The following TTC13 variants were observed in gnomAD, a reference collection of about 807,000 sequenced individuals.
TTC13 encodes the protein tetratricopeptide repeat protein 13.
Under a neutral mutation model 120.0 loss-of-function variants are expected in TTC13, and 62 were observed. The ratio of observed to expected loss-of-function variants is 0.52; its 90% CI spans 0.42 to 0.64. The LOEUF (loss-of-function observed/expected upper bound fraction) is 0.64. TTC13 is among the 30% of genes least tolerant of loss of function. The pLI, the probability that TTC13 is intolerant of heterozygous loss-of-function variation, is 0.00. For missense variants in TTC13, 824 were observed against 1,050.2 expected (o/e 0.78, Z 2.98); for synonymous variants, 384 against 393.5 (o/e 0.98, Z 0.28).
chr1:230,953,514 T>G (rs186856017), intron 4 of TTC13, among the ~76,000 whole-genome samples: 2 of 152,288 alleles, frequency 1.3e-5, no homozygotes, highest in Admixed American at 1.3e-4. Flanking sequence ...AATAGGACAT[T>G]TCATTTAAAC....
intron 9 of TTC13, among the ~76,000 whole-genome samples, chr1:230,932,992 A>C (rs1673692788): frequency 6.6e-6 from 1 of 152,042 alleles, no homozygotes; most frequent in Admixed American, 6.6e-5. Flanking sequence ...TCCTGTTTTG[A>C]GATAGAGTCT....
intron 15 of TTC13, among the ~76,000 whole-genome samples, chr1:230,922,245 T>G (rs1672646076): frequency 6.6e-6 from 1 of 152,174 alleles, no homozygotes; most frequent in Non-Finnish European, 1.5e-5. Flanking sequence ...CCCTTCCCAC[T>G]GCAGCCCACT....
intron 12 of TTC13, 127 bp downstream of exon 12, chr1:230,928,810 T>G (rs1673273641): frequency 3.5e-6 from 3 of 864,582 alleles, no homozygotes; most frequent in South Asian, 3.4e-5. Context: ...TATGCTTGAT[T>G]GAACTCCTGG....
At chr1:230,956,065 T>G (rs1676056192) in intron 3 of TTC13, among the ~76,000 whole-genome samples, 1 of 152,212 alleles carries the variant, frequency 6.6e-6, no homozygotes, top group Admixed American at 6.5e-5. Context: ...CAGTATTAAC[T>G]CATTTGCTCC....
At position 230,906,684 on chromosome 1, in the gene TTC13, G is replaced by T. The variant is rs1272386192; in HGVS notation, c.*221C>A. ...CAACAGGCTGCCGGCTAATACATAC[G>T]CTTTCCCTCCAAGTCAAGTAGCTTT... On this transcript the variant is annotated 3_prime_UTR_variant, in exon 23 of 23. Coordinates refer to ENST00000366661, the MANE Select transcript of TTC13 (RefSeq NM_024525.5). 1.8e-5 allele frequency: 5 copies of T among 277,162 alleles called. No homozygotes were observed. Among genetic ancestry groups the T allele is most frequent in the South Asian group, 2.8e-4 (2 of 7,208 alleles). 17.2% of individuals were successfully genotyped at this position (277,162 alleles called of 1,614,324 possible).
In TTC13 at chr1:230,923,833, G is replaced by C; in HGVS notation, c.1814+8C>G. 1.2e-6 allele frequency: 2 copies of C among 1,609,828 alleles called. No homozygotes were observed. The highest frequency in any genetic ancestry group is 1.7e-5 in the Admixed American group (1 of 59,802). ...GGAAAAGAAGAAAGATGCACAAAAG[G>C]TTCGTACCTGATTAAATTAATGTGG... On this transcript the variant is annotated splice_region_variant and intron_variant, in intron 15 of 22. Coordinates refer to ENST00000366661, the MANE Select transcript of TTC13 (RefSeq NM_024525.5).
At chr1:230,973,794 G>A (rs1677992603) in intron 1 of TTC13, among the ~76,000 whole-genome samples, 2 of 152,174 alleles carry the variant, frequency 1.3e-5, no homozygotes, top group Admixed American at 1.3e-4. Flanking sequence ...GAAGAGCAGA[G>A]GGGCCGGGCG....
chr1:230,915,986 A>G (rs1671987378), intron 18 of TTC13, among the ~76,000 whole-genome samples: 1 of 152,136 alleles, frequency 6.6e-6, no homozygotes, highest in Non-Finnish European at 1.5e-5. Context: ...CCTTAGATTT[A>G]GACAGTCAGA....
Position 230,943,890 on chromosome 1 carries a change from C to G in TTC13, c.588G>C (p.Lys196Asn), listed in dbSNP as rs1421154967. ...GTTCGAACAGAGCAAGCTCAGCATT[C>G]TTAATGTCCTTGAAAAGGCATTAGC... The part of the protein sequence containing the change: ...AYGKKGLHDI[K>N]NAELALFELS... Residue 196 changes from lysine to asparagine, a missense_variant, in exon 6 of 23, where the codon AAG becomes AAC. Lys to Asn is a moderately conservative substitution (Grantham distance 94). This residue lies in a region of TTC13 where 430 missense variants were observed against 626.8 expected (regional missense o/e 0.69). Transcript: ENST00000366661. The G allele has an allele frequency of 6.2e-7, 1 of 1,607,332 alleles. No homozygotes were observed. The highest frequency in any genetic ancestry group is 1.3e-5 in the African/African-American group (1 of 74,734).
At chr1:230,936,296 T>C (rs1180017108) in intron 8 of TTC13, 1 of 453,282 alleles carries the variant, frequency 2.2e-6, no homozygotes, top group East Asian at 7.0e-5. Context: ...AGAATCAAGA[T>C]TTTAAGGCGT....
Position 230,911,651 on chromosome 1 carries a change from T to C in TTC13, c.2230-102A>G, listed in dbSNP as rs140677804. ...AGAATAATCTACATCAAGAAGAGGA[T>C]TGTTTTCTTCCTCCCCCATAAGAAT... On this transcript the variant is annotated intron_variant, in intron 19 of 22. Coordinates refer to ENST00000366661, the MANE Select transcript of TTC13 (RefSeq NM_024525.5). 316 of 639,402 alleles carry C rather than the reference T, an allele frequency of 4.9e-4. 3 individuals are homozygous for C. The East Asian group carries it at 9.0e-3, about 18-fold the overall frequency. 39.6% of individuals were successfully genotyped at this position (639,402 alleles called of 1,614,324 possible).
Position 230,954,397 on chromosome 1 carries a change from G to A in TTC13, c.449C>T (p.Ala150Val). The change falls in exon 4 of 23, where the codon GCT (alanine) becomes GTT (valine). Residue 150 changes from alanine (A) to valine (V), a missense_variant. Ala to Val is a moderately conservative substitution (Grantham distance 64). Around this residue, in one of 4 missense-constraint regions of TTC13, gnomAD observed 430 missense variants for 626.8 expected, o/e 0.69. Coordinates refer to ENST00000366661, the MANE Select transcript of TTC13 (RefSeq NM_024525.5). ...CAGACCACTGCCAATCAAGACATAA[G>A]CAATAGCTATGAAACAAAATACAAA... ...NDSTNEELAI[A>V]YVLIGSGLYD... 1 of 1,609,210 alleles carries A rather than the reference G, an allele frequency of 6.2e-7. No homozygotes were observed. Among genetic ancestry groups the A allele is most frequent in the South Asian group, 1.1e-5 (1 of 90,240 alleles).
intron 11 of TTC13, among the ~76,000 whole-genome samples, chr1:230,929,924 T>C (rs962747304): frequency 2.0e-5 from 3 of 152,200 alleles, no homozygotes; most frequent in Admixed American, 6.5e-5. Context: ...TGTTCTCTAA[T>C]AGGTAGCCCC....
At chr1:230,943,719 A>T in intron 6 of TTC13, 87 bp downstream of exon 6, 1 of 1,108,718 alleles carries the variant, frequency 9.0e-7, no homozygotes, top group Non-Finnish European at 1.3e-6. Flanking sequence ...AGGGAGCATT[A>T]AAATTTACAA....
intron 20 of TTC13, among the ~76,000 whole-genome samples, chr1:230,909,609 C>A (rs569810723): frequency 1.3e-5 from 2 of 152,308 alleles, no homozygotes; most frequent in East Asian, 3.9e-4. Context: ...TCCAGCAATG[C>A]ATGTATACAA....
rs374499824 is a variant in TTC13, at chr1:230,912,647, T to A, written c.2205A>T (p.Val735=). Residue 735 remains valine (V), a synonymous_variant, in exon 19 of 23, where the codon GTA becomes GTT. Transcript: ENST00000366661. ...CCCCAAATTCTGATGAAAGAATCAA[T>A]ACTTTTCCTTTTGCTGTCAAATCTT... The part of the protein sequence containing the change: ...LYKDLTAKGK[V]LILSSEFGEA... 4.3e-6 allele frequency: 7 copies of A among 1,612,320 alleles called. No individual in the cohort carries two copies. Among genetic ancestry groups the A allele is most frequent in the Non-Finnish European group, 5.9e-6 (7 of 1,179,622 alleles).
At chr1:230,939,242 C>T in intron 8 of TTC13, 144 bp downstream of exon 8, 1 of 474,962 alleles carries the variant, frequency 2.1e-6, no homozygotes, top group African/African-American at 1.9e-5. Context: ...GATCCTTTCC[C>T]TTTCTGTATC....
Position 230,908,798 on chromosome 1 carries a change from A to C in TTC13, c.2389-7T>G. 6.2e-7 allele frequency: 1 copy of C among 1,612,242 alleles called. No homozygotes were observed. The highest frequency in any genetic ancestry group is 1.3e-5 in the African/African-American group (1 of 75,012). On this transcript the variant is annotated splice_region_variant and splice_polypyrimidine_tract_variant and intron_variant, in intron 21 of 22. Coordinates refer to ENST00000366661, the MANE Select transcript of TTC13 (RefSeq NM_024525.5). ...TAGCTTCAAAGTCGACTAACTGAAA[A>C]AGAAAGACATTTAGGAATGTTACTA...
At chr1:230,974,098 C>G (rs7552591) in intron 1 of TTC13, among the ~76,000 whole-genome samples, 65,252 of 150,464 alleles carry the variant, frequency 0.43, 14,411 homozygotes, top group Non-Finnish European at 0.46. Flanking sequence ...AAAAGAAGAG[C>G]AGAGAACCTG....
Sources: gnomAD v4.1 joint callset for allele counts (sites outside exome capture counted in the v4.1 genomes callset) on GRCh38, gnomAD v4.1.1 for gene constraint, gnomAD v4.1.1 regional missense constraint, MANE v1.5 for transcripts, NCBI Gene and HGNC (gene_info 2026-07-23, HGNC 2026-07-21) for gene names.